The following SYTL5 variants were observed in gnomAD, a reference collection of about 807,000 sequenced individuals.
SYTL5 encodes the protein synaptotagmin like 5.
Under a neutral mutation model 55.9 loss-of-function variants are expected in SYTL5, and 34 were observed. The ratio of observed to expected loss-of-function variants is 0.61; its 90% CI spans 0.46 to 0.81. The LOEUF is 0.81. Among genes scored for constraint, SYTL5 ranks in the 30% least tolerant of loss-of-function variants. The pLI is 0.00. For missense variants in SYTL5, 637 were observed against 546.7 expected, an observed-to-expected ratio of 1.17 and a Z score of -1.65; for synonymous variants, 221 against 188.7, an observed-to-expected ratio of 1.17 and a Z score of -1.40.
chrX:38,061,733 A>G (rs923757211), intron 3 of SYTL5, among the ~76,000 whole-genome samples: 1 of 111,565 alleles, frequency 9.0e-6, no homozygotes, highest in Non-Finnish European at 1.9e-5. Context: ...TTGTAAGCCT[A>G]GTTTTTAAAC....
At chrX:38,027,824 CTTTT>C (rs111523397) in intron 1 of SYTL5, among the ~76,000 whole-genome samples, 2 of 90,797 alleles carry the variant, frequency 2.2e-5, no homozygotes, top group Non-Finnish European at 2.1e-5. Context: ...AATTCTTCTT[CTTTT>C]TTTTTTTTTT....
the SYTL5 span, among the ~76,000 whole-genome samples, chrX:37,996,753 C>A: frequency 8.9e-6 from 1 of 111,811 alleles, no homozygotes; most frequent in East Asian, 2.8e-4. Flanking sequence ...CCCAGGTCTC[C>A]TGTTCCCTTT....
chrX:38,113,421 T>A (rs184139425), intron 13 of SYTL5, among the ~76,000 whole-genome samples: 1 of 112,232 alleles, frequency 8.9e-6, no homozygotes, highest in East Asian at 2.8e-4. Flanking sequence ...TCTCTCTTTT[T>A]TTGGCAGACT....
Position 38,120,405 on chromosome X carries a change from A to C in SYTL5, c.1644A>C (p.Thr548=). 1 of 1,211,443 alleles carries C rather than the reference A, an allele frequency of 8.3e-7. No homozygotes were observed. Among genetic ancestry groups the C allele is most frequent in the South Asian group, 1.8e-5 (1 of 56,967 alleles). ...DIGLQYKGEL[T]VVLRYIPPEE... ...GCCTTCAATACAAAGGAGAGCTGAC[A>C]GTTGTTTTACGTTACATTCCCCCAG... is the stretch of plus-strand genomic sequence containing the variant. Residue 548 remains threonine, a synonymous_variant, in exon 14 of 17, where the codon ACA becomes ACC. Transcript: ENST00000297875.
the SYTL5 span, among the ~76,000 whole-genome samples, chrX:37,971,676 T>C: frequency 8.9e-6 from 1 of 111,765 alleles, no homozygotes; most frequent in Non-Finnish European, 1.9e-5. Context: ...CTTAGGACTC[T>C]TTTTCCTTAA....
intron 3 of SYTL5, among the ~76,000 whole-genome samples, chrX:38,061,326 A>G (rs375720639): frequency 1.8e-5 from 2 of 112,299 alleles, no homozygotes; most frequent in South Asian, 3.7e-4. Context: ...CTTAAACTAT[A>G]TCTCAGTATT....
the SYTL5 span, among the ~76,000 whole-genome samples, chrX:37,987,742 CT>C: frequency 9.0e-6 from 1 of 111,365 alleles, no homozygotes; most frequent in Non-Finnish European, 1.9e-5. Context: ...TGTCAGAACC[CT>C]TATTTCTTTG....
chrX:38,062,279 A>G, intron 3 of SYTL5, among the ~76,000 whole-genome samples: 1 of 112,055 alleles, frequency 8.9e-6, no homozygotes, highest in Admixed American at 9.5e-5. Flanking sequence ...CAAAACATGA[A>G]ATACTTCTAA....
At chrX:37,901,960 A>G in the SYTL5 span, among the ~76,000 whole-genome samples, 1 of 112,144 alleles carries the variant, frequency 8.9e-6, no homozygotes, top group Admixed American at 9.5e-5. Context: ...TAATAAACAA[A>G]TATACACAAT....
intron 1 of SYTL5, among the ~76,000 whole-genome samples, chrX:38,027,426 A>T (rs187969343): frequency 2.0e-3 from 220 of 111,174 alleles, no homozygotes; most frequent in Non-Finnish European, 3.2e-3. Context: ...TTCTTTTGAG[A>T]TGCAGTCAGA....
intron 2 of SYTL5, among the ~76,000 whole-genome samples, chrX:38,039,976 C>T (rs749029491): frequency 1.7e-4 from 19 of 110,610 alleles, no homozygotes; most frequent in Admixed American, 2.9e-4. Context: ...GAGATCGAGA[C>T]CATCCTGGCT....
At chrX:37,964,614 T>G in the SYTL5 span, among the ~76,000 whole-genome samples, 7 of 111,404 alleles carry the variant, frequency 6.3e-5, no homozygotes, top group Admixed American at 5.7e-4. Context: ...TAAAATTAGT[T>G]GGTTAATGTT....
intron 13 of SYTL5, among the ~76,000 whole-genome samples, chrX:38,111,001 T>A (rs898231184): frequency 2.7e-5 from 3 of 111,849 alleles, no homozygotes; most frequent in Non-Finnish European, 5.6e-5. Flanking sequence ...AGAAAAAAAA[T>A]CTTAGAGCTG....
rs1569193504 is a variant in SYTL5 at position 38,118,850 on chromosome X, G to A, written c.1597-1508G>A. On this transcript the variant is annotated intron_variant, in intron 13 of 16. Transcript: ENST00000297875. Reference sequence around the variant, plus strand: ...GCTCATTATAATCTCAAATTTCTGGGCTCAAGCTATCCTCCCACCTCAGCC... The same window carrying A: ...GCTCATTATAATCTCAAATTTCTGGACTCAAGCTATCCTCCCACCTCAGCC... 1.9e-5 allele frequency among the ~76,000 whole-genome samples: 2 copies of A among 107,000 alleles called. 1 individual carries two copies. Among genetic ancestry groups the A allele is most frequent in the East Asian group, 5.8e-4 (2 of 3,462 alleles). 92.9% of individuals were successfully genotyped at this position (107,000 alleles called of 115,157 possible).
At chrX:38,049,409 G>T (rs1935563774) in intron 2 of SYTL5, among the ~76,000 whole-genome samples, 1 of 111,481 alleles carries the variant, frequency 9.0e-6, no homozygotes, top group African/African-American at 3.3e-5. Flanking sequence ...TAAAAGTCTG[G>T]GTTGACTGGT....
chrX:38,002,396 G>T (rs1372923476), upstream of SYTL5, among the ~76,000 whole-genome samples: 1 of 111,674 alleles, frequency 9.0e-6, no homozygotes, highest in African/African-American at 3.3e-5. Flanking sequence ...TGGGATGGCT[G>T]GGTCAAATGG....
chrX:38,042,963 G>GT (rs1935328573), intron 2 of SYTL5, among the ~76,000 whole-genome samples: 1 of 111,370 alleles, frequency 9.0e-6, no homozygotes, highest in African/African-American at 3.3e-5. Context: ...ATGTTCCTAT[G>GT]TTAATAGAAG....
chrX:38,019,729 AGGGTGCCTCAGCCC>A (rs1359264274), intron 1 of SYTL5, among the ~76,000 whole-genome samples: 3 of 111,164 alleles, frequency 2.7e-5, no homozygotes, highest in Admixed American at 1.9e-4. Flanking sequence ...TCCCACGTGG[AGGGTGCCTCAGCCC>A]GGGTGCCTCA....
chrX:37,984,987 A>G, the SYTL5 span, among the ~76,000 whole-genome samples: 1 of 112,252 alleles, frequency 8.9e-6, no homozygotes, highest in African/African-American at 3.2e-5. Flanking sequence ...CAACTTGATA[A>G]AGGGTATCTA....
Sources: allele counts gnomAD v4.1 joint callset (sites outside exome capture counted in the v4.1 genomes callset), GRCh38; gene constraint gnomAD v4.1.1; transcripts MANE v1.5; gene names NCBI Gene and HGNC (gene_info 2026-07-23, HGNC 2026-07-21).